The following ST8SIA6 variants were observed in gnomAD, a reference collection of about 807,000 sequenced individuals.
ST8SIA6 encodes the protein ST8 alpha-N-acetyl-neuraminide alpha-2,8-sialyltransferase 6.
A neutral mutation model predicts 33.6 loss-of-function variants in ST8SIA6; 39 were observed. The observed-to-expected ratio is 1.16, with a 90% CI of 0.90 to 1.52. The LOEUF is 1.52. Among genes scored for constraint, ST8SIA6 ranks in the 40% most tolerant of loss-of-function variants. ST8SIA6 has a pLI of 0.00. For missense variants in ST8SIA6, 441 were observed against 443.8 expected, an observed-to-expected ratio of 0.99 and a Z score of 0.06; for synonymous variants, 172 against 167.2, an observed-to-expected ratio of 1.03 and a Z score of -0.22.
chr10:17,336,685 C>T (rs775644240), intron 4 of ST8SIA6, among the ~76,000 whole-genome samples: 1 of 151,518 alleles, frequency 6.6e-6, no homozygotes, highest in Non-Finnish European at 1.5e-5. Flanking sequence ...CTTCCACCTC[C>T]CAGGTTCAAG....
chr10:17,326,978 C>G (rs1468012495), intron 6 of ST8SIA6, 36 bp downstream of exon 6: 1 of 1,443,832 alleles, frequency 6.9e-7, no homozygotes, highest in African/African-American at 1.4e-5. Flanking sequence ...CCCAACTGAT[C>G]TATTGTTTCA....
rs955211029 is a variant in ST8SIA6 at position 17,318,222 on chromosome 10, T to G, written c.*2656A>C. 6.6e-6 allele frequency among the ~76,000 whole-genome samples: 1 copy of G among 152,016 alleles called. No individual in the cohort carries two copies. ...ATCCTAACTAAAGGGCTACTTTTTT[T>G]TTTTCTTTTTTGAGACAGGGTCTCA... On this transcript the variant is annotated 3_prime_UTR_variant, in exon 8 of 8. Coordinates refer to ENST00000377602, the MANE Select transcript of ST8SIA6 (RefSeq NM_001004470.3).
At chr10:17,347,124 C>T (rs762170144) in intron 4 of ST8SIA6, among the ~76,000 whole-genome samples, 2 of 152,156 alleles carry the variant, frequency 1.3e-5, no homozygotes, top group Non-Finnish European at 2.9e-5. Flanking sequence ...TGATTGTTGA[C>T]GTTAACCACA....
chr10:17,419,653 TAG>T (rs771770295), intron 2 of ST8SIA6, among the ~76,000 whole-genome samples: 19 of 152,230 alleles, frequency 1.2e-4, no homozygotes, highest in Non-Finnish European at 4.4e-5. Context: ...AAGGAAGTCA[TAG>T]ACAGAAGAAA....
At chr10:17,355,035 AAG>A (rs1326108072) in intron 4 of ST8SIA6, among the ~76,000 whole-genome samples, 1 of 152,242 alleles carries the variant, frequency 6.6e-6, no homozygotes, top group Non-Finnish European at 1.5e-5. Flanking sequence ...AATCTATAAA[AAG>A]AGGACAAACC....
chr10:17,453,746 G>A (rs1338581432), intron 1 of ST8SIA6, 89 bp from the exon 2 acceptor site: 7 of 1,063,952 alleles, frequency 6.6e-6, no homozygotes, highest in Non-Finnish European at 7.3e-6. Flanking sequence ...TGCCTGGCAG[G>A]GAGATCTCGC....
chr10:17,429,790 T>G (rs1852048871), intron 2 of ST8SIA6, among the ~76,000 whole-genome samples: 1 of 152,160 alleles, frequency 6.6e-6, no homozygotes, highest in South Asian at 2.1e-4. Flanking sequence ...TGGCCTTACT[T>G]TTTCAACTTC....
At chr10:17,347,626 G>A (rs1394115345) in intron 4 of ST8SIA6, among the ~76,000 whole-genome samples, 1 of 152,156 alleles carries the variant, frequency 6.6e-6, no homozygotes, top group African/African-American at 2.4e-5. Context: ...CATTTGCAAT[G>A]AGCATAAAGC....
At chr10:17,408,100 C>T (rs1851332808) in intron 2 of ST8SIA6, 1 of 152,540 alleles carries the variant, frequency 6.6e-6, no homozygotes, top group Non-Finnish European at 1.5e-5. Context: ...AGAGTAACCC[C>T]CATCCATCAT....
At chr10:17,435,578 G>A (rs925253567) in intron 2 of ST8SIA6, among the ~76,000 whole-genome samples, 1 of 152,098 alleles carries the variant, frequency 6.6e-6, no homozygotes, top group African/African-American at 2.4e-5. Context: ...TTGAATAATT[G>A]CTAAACTTCC....
chr10:17,398,044 G>T (rs2131674066), intron 2 of ST8SIA6, among the ~76,000 whole-genome samples: 1 of 152,126 alleles, frequency 6.6e-6, no homozygotes, highest in Admixed American at 6.5e-5. Flanking sequence ...TTAAGACTCT[G>T]GGCTGGGCAC....
chr10:17,414,839 G>T (rs1430454540), intron 2 of ST8SIA6, among the ~76,000 whole-genome samples: 1 of 152,098 alleles, frequency 6.6e-6, no homozygotes, highest in East Asian at 1.9e-4. Flanking sequence ...GCTTCAACAT[G>T]AATTTTGGGG....
Position 17,318,757 on chromosome 10 carries a change from T to G in ST8SIA6, c.*2121A>C, listed in dbSNP as rs1431484516. ...CACTTGGTGAAAAATTTGCAATGAT[T>G]CACCAATACAGAACAAAAAGAACTG... On this transcript the variant is annotated 3_prime_UTR_variant, in exon 8 of 8. Coordinates refer to ENST00000377602, the MANE Select transcript of ST8SIA6 (RefSeq NM_001004470.3). 1 of 469,828 alleles carries G rather than the reference T, an allele frequency of 2.1e-6. No individual in the cohort carries two copies. 29.1% of individuals were successfully genotyped at this position (469,828 alleles called of 1,614,324 possible). A position where few individuals can be genotyped will look rare whatever the true frequency, so the allele number is the denominator to read the frequency against.
At chr10:17,340,944 G>A (rs944185477) in intron 4 of ST8SIA6, among the ~76,000 whole-genome samples, 5 of 152,224 alleles carry the variant, frequency 3.3e-5, no homozygotes, top group African/African-American at 7.2e-5. Flanking sequence ...TCTAGACACT[G>A]CAGGAGTCTG....
intron 3 of ST8SIA6, among the ~76,000 whole-genome samples, chr10:17,380,821 G>A (rs893622620): frequency 9.7e-5 from 7 of 72,034 alleles, no homozygotes; most frequent in South Asian, 4.2e-4. Flanking sequence ...GTATGTGTAC[G>A]TTTGTGTGTT....
intron 4 of ST8SIA6, among the ~76,000 whole-genome samples, chr10:17,331,788 C>A (rs1482110709): frequency 6.6e-6 from 1 of 151,686 alleles, no homozygotes. Flanking sequence ...ATTTTGATTT[C>A]TTTTTTAATT....
chr10:17,369,164 G>C (rs1041998297), intron 3 of ST8SIA6, among the ~76,000 whole-genome samples: 2 of 151,968 alleles, frequency 1.3e-5, no homozygotes, highest in Non-Finnish European at 2.9e-5. Flanking sequence ...TCACAGATAC[G>C]TTCAAACATC....
chr10:17,387,107 A>T (rs1326757675), intron 3 of ST8SIA6: 1 of 152,346 alleles, frequency 6.6e-6, no homozygotes, highest in East Asian at 1.9e-4. Flanking sequence ...CTCCCTGGGA[A>T]AAGTCAGGCA....
chr10:17,318,580 T>C lies in ST8SIA6; in HGVS notation c.*2298A>G, dbSNP rs1050995074. 16 of 434,770 alleles carry C rather than the reference T, an allele frequency of 3.7e-5. No homozygotes were observed. The Admixed American group carries it at 4.4e-4, about 12-fold the overall frequency. The allele number at this position is 434,770 out of a possible 1,614,324, so 26.9% of individuals were successfully genotyped here. On this transcript the variant is annotated 3_prime_UTR_variant, in exon 8 of 8. Transcript: ENST00000377602. ...CCATTCTCAATGCCCTTAGATGTAC[T>C]TGAGTTTTAAGAGCAGAAGATCACA...
Sources: allele counts gnomAD v4.1 joint callset (sites outside exome capture counted in the v4.1 genomes callset), GRCh38; gene constraint gnomAD v4.1.1; transcripts MANE v1.5; gene names NCBI Gene and HGNC (gene_info 2026-07-23, HGNC 2026-07-21).